The following ASTN2 variants were observed in gnomAD, a reference collection of about 807,000 sequenced individuals.
ASTN2 encodes astrotactin-2.
A neutral mutation model predicts 139.8 loss-of-function variants in ASTN2; 54 were observed. That is an observed-to-expected ratio of 0.39 (90% CI 0.31 to 0.48). The LOEUF (loss-of-function observed/expected upper bound fraction) is 0.48. Ranked by LOEUF, ASTN2 falls within the 20% of genes least tolerant of loss-of-function variation. The pLI, the probability that ASTN2 is intolerant of heterozygous loss-of-function variation, is 0.95. For missense variants in ASTN2, 1,565 were observed against 1,725.1 expected (o/e 0.91, Z 1.64); for synonymous variants, 756 against 719.5 (o/e 1.05, Z -0.81).
At chr9:116,947,515 AG>A (rs1835430572) in intron 10 of ASTN2, among the ~76,000 whole-genome samples, 1 of 152,166 alleles carries the variant, frequency 6.6e-6, no homozygotes, top group African/African-American at 2.4e-5. Context: ...CCTAAAAGCA[AG>A]GGGGAATAAA....
At chr9:117,223,521 G>A (rs1378749486) in intron 2 of ASTN2, among the ~76,000 whole-genome samples, 2 of 152,144 alleles carry the variant, frequency 1.3e-5, no homozygotes, top group African/African-American at 4.8e-5. Context: ...GGAAGGGGGT[G>A]TCAACAATGA....
At chr9:116,545,471 A>G (rs1564359241) in intron 19 of ASTN2, among the ~76,000 whole-genome samples, 1 of 152,168 alleles carries the variant, frequency 6.6e-6, no homozygotes, top group Non-Finnish European at 1.5e-5. Context: ...AACCTTACAC[A>G]TATATCCCAC....
intron 1 of ASTN2, among the ~76,000 whole-genome samples, chr9:117,350,756 C>A (rs770931141): frequency 6.6e-6 from 1 of 152,016 alleles, no homozygotes; most frequent in Admixed American, 6.6e-5. Context: ...GAATCTTCTA[C>A]GTTAGGCTAA....
At chr9:116,648,669 T>C (rs1857735004) in intron 17 of ASTN2, among the ~76,000 whole-genome samples, 1 of 152,228 alleles carries the variant, frequency 6.6e-6, no homozygotes, top group South Asian at 2.1e-4. Flanking sequence ...TTTATTTATT[T>C]GTTCAGTTAG....
At chr9:116,934,820 A>G (rs1378270342) in intron 10 of ASTN2, among the ~76,000 whole-genome samples, 1 of 152,162 alleles carries the variant, frequency 6.6e-6, no homozygotes, top group African/African-American at 2.4e-5. Context: ...GAGGCATGGC[A>G]CAGACAAATG....
intron 20 of ASTN2, among the ~76,000 whole-genome samples, chr9:116,475,469 C>T (rs1383141046): frequency 6.6e-6 from 1 of 152,120 alleles, no homozygotes; most frequent in Non-Finnish European, 1.5e-5. Context: ...AGTAATAGAA[C>T]ATTTCCTGTA....
chr9:116,489,026 T>G (rs994805824), intron 19 of ASTN2, among the ~76,000 whole-genome samples: 1 of 152,184 alleles, frequency 6.6e-6, no homozygotes, highest in African/African-American at 2.4e-5. Context: ...CTCTCAACTG[T>G]TGTTTTCTTC....
chr9:116,528,687 G>C (rs996127108), intron 19 of ASTN2, among the ~76,000 whole-genome samples: 63 of 152,312 alleles, frequency 4.1e-4, no homozygotes, highest in African/African-American at 1.4e-3. Context: ...AAGCCTGGAG[G>C]CCTAGGAGGC....
chr9:116,838,113 TTTG>T (rs1564295681), intron 11 of ASTN2, among the ~76,000 whole-genome samples: 24 of 138,830 alleles, frequency 1.7e-4, no homozygotes, highest in South Asian at 7.5e-4. Context: ...TTTTTTTTGT[TTTG>T]TTTTGTTTTT....
chr9:116,712,215 T>A (rs551692841), intron 16 of ASTN2, among the ~76,000 whole-genome samples: 5 of 152,320 alleles, frequency 3.3e-5, no homozygotes, highest in Admixed American at 2.0e-4. Flanking sequence ...AACATTTACC[T>A]TCTCCATACC....
chr9:116,505,001 A>C (rs1850048304), intron 19 of ASTN2, among the ~76,000 whole-genome samples: 1 of 152,032 alleles, frequency 6.6e-6, no homozygotes, highest in Non-Finnish European at 1.5e-5. Context: ...AGATCCACTA[A>C]CTTGCCTAAG....
chr9:117,033,663 A>T (rs1838308144), intron 6 of ASTN2, among the ~76,000 whole-genome samples: 1 of 152,062 alleles, frequency 6.6e-6, no homozygotes, highest in Non-Finnish European at 1.5e-5. Flanking sequence ...TCTTCAAAAT[A>T]AATAATAATT....
At chr9:116,819,839 C>G (rs541064374) in intron 12 of ASTN2, among the ~76,000 whole-genome samples, 1 of 152,302 alleles carries the variant, frequency 6.6e-6, no homozygotes, top group Admixed American at 6.5e-5. Context: ...AAGGTGCTGT[C>G]AAAGGCAGAA....
chr9:117,042,462 A>G (rs1372391396), intron 5 of ASTN2, among the ~76,000 whole-genome samples: 1 of 152,182 alleles, frequency 6.6e-6, no homozygotes, highest in Non-Finnish European at 1.5e-5. Flanking sequence ...GATTGTGGTT[A>G]TTGTAGTTTT....
At chr9:116,716,283 GC>G (rs2132103300) in intron 16 of ASTN2, among the ~76,000 whole-genome samples, 1 of 152,246 alleles carries the variant, frequency 6.6e-6, no homozygotes, top group East Asian at 1.9e-4. Flanking sequence ...AGGTAATGAT[GC>G]ACACACATAT....
At chr9:116,632,126 AGAAG>A (rs1423548488) in intron 17 of ASTN2, among the ~76,000 whole-genome samples, 4 of 75,748 alleles carry the variant, frequency 5.3e-5, no homozygotes, top group Non-Finnish European at 1.1e-4. Flanking sequence ...AAAAAGAAAA[AGAAG>A]AGAGAGAGAG....
intron 8 of ASTN2, 145 bp downstream of exon 8, chr9:116,976,556 T>G: frequency 3.1e-6 from 2 of 644,588 alleles, no homozygotes; most frequent in Non-Finnish European, 5.4e-6. Context: ...AAAGTAGGAT[T>G]CACTTCCCAT....
intron 6 of ASTN2, among the ~76,000 whole-genome samples, chr9:117,033,719 A>T (rs1332608948): frequency 6.6e-6 from 1 of 152,060 alleles, no homozygotes; most frequent in African/African-American, 2.4e-5. Flanking sequence ...AGAACCTTAG[A>T]CTGGGGGCTC....
chr9:117,141,319 G>A lies in ASTN2; in HGVS notation c.1168+7C>T. The A allele has an allele frequency of 2.2e-6, 3 of 1,366,746 alleles. No individual in the cohort carries two copies. The highest frequency in any genetic ancestry group is 1.1e-5 in the South Asian group (1 of 87,984). 84.7% of individuals were successfully genotyped at this position (1,366,746 alleles called of 1,614,324 possible). A position where few individuals can be genotyped will look rare whatever the true frequency, so the allele number is the denominator to read the frequency against. ...ACTTCCTGGCCAGATGTGCCAGGAG[G>A]GCCTACCTCGAGACTTGCTCCTCCG... On this transcript the variant is annotated splice_region_variant and intron_variant, in intron 4 of 22. Coordinates refer to ENST00000313400, the MANE Select transcript of ASTN2 (RefSeq NM_001365068.1).
Sources: allele counts gnomAD v4.1 joint callset (sites outside exome capture counted in the v4.1 genomes callset), GRCh38; gene constraint gnomAD v4.1.1; transcripts MANE v1.5; gene names NCBI Gene and HGNC (gene_info 2026-07-23, HGNC 2026-07-21).